The following PITPNM1 variants were observed in gnomAD, a reference collection of about 807,000 sequenced individuals.
PITPNM1 encodes phosphatidylinositol transfer protein membrane associated 1.
A neutral mutation model predicts 133.3 loss-of-function variants in PITPNM1; 74 were observed. That is an observed-to-expected ratio of 0.56 (90% CI 0.46 to 0.67). PITPNM1 has a LOEUF of 0.67. Among genes scored for constraint, PITPNM1 ranks in the 30% least tolerant of loss-of-function variants. PITPNM1 has a pLI of 0.00. For missense variants in PITPNM1, 1,398 were observed against 1,739.5 expected, an observed-to-expected ratio of 0.80 and a Z score of 3.49; for synonymous variants, 738 against 741.4, an observed-to-expected ratio of 1.00 and a Z score of 0.08.
In PITPNM1 at chr11:67,500,121, C is replaced by T. The variant is rs370216047; in HGVS notation, c.941G>A (p.Arg314His). The T allele has an allele frequency of 4.1e-5, 65 of 1,592,378 alleles. No homozygotes were observed. The highest frequency in any genetic ancestry group is 8.0e-5 in the African/African-American group (6 of 74,542). Reference sequence around the variant, plus strand: ...TCCATGTTGGGATGAGTAGGAGGAACGGGAGGATGAGGACCACTGCTTCCC... The same window carrying T: ...TCCATGTTGGGATGAGTAGGAGGAATGGGAGGATGAGGACCACTGCTTCCC... Reference protein sequence around the residue: ...SFGKQWSSSSRSSYSSQHGGA... With the variant: ...SFGKQWSSSSHSSYSSQHGGA... Residue 314 changes from arginine (R) to histidine (H), a missense_variant, in exon 6 of 24, where the codon CGT becomes CAT. Arg to His is a conservative substitution (Grantham distance 29, BLOSUM62 0). Coordinates refer to ENST00000356404, the MANE Select transcript of PITPNM1 (RefSeq NM_004910.3).
At chr11:67,505,512 G>C (rs1040339741), upstream of PITPNM1, 1 of 152,286 alleles carries the variant, frequency 6.6e-6, no homozygotes, top group Non-Finnish European at 1.5e-5. This position sits in a 1 kb window ranked among gnomAD's most constrained non-coding sequence, Gnocchi z 5.8. Flanking sequence ...CTTCCCCCGG[G>C]CAGTGGGAAA....
At position 67,493,712 on chromosome 11, in the gene PITPNM1, C is replaced by T. The variant is rs1565187717; in HGVS notation, c.3134G>A (p.Arg1045Gln). 1.3e-6 allele frequency: 2 copies of T among 1,547,352 alleles called. No homozygotes were observed. Among genetic ancestry groups the T allele is most frequent in the Non-Finnish European group, 8.7e-7 (1 of 1,146,992 alleles). Residue 1045 changes from arginine to glutamine, a missense_variant, in exon 21 of 24, where the codon CGA becomes CAA. Arg to Gln is a conservative substitution (Grantham distance 43, BLOSUM62 1). Transcript: ENST00000356404. Reference sequence around the variant, plus strand: ...CCTGACCACGTCCACGGCGCCAGCTCGCACCTTGGGGTCGCTGCCCATGAT... The same window carrying T: ...CCTGACCACGTCCACGGCGCCAGCTTGCACCTTGGGGTCGCTGCCCATGAT... ...VSIMGSDPKV[R>Q]AGAVDVVRHW...
chr11:67,502,691 C>T lies in PITPNM1; in HGVS notation c.106G>A (p.Glu36Lys). 1 of 1,613,232 alleles carries T rather than the reference C, an allele frequency of 6.2e-7. No individual in the cohort carries two copies. Among genetic ancestry groups the T allele is most frequent in the Non-Finnish European group, 8.5e-7 (1 of 1,179,800 alleles). Residue 36 changes from glutamate to lysine, a missense_variant, in exon 3 of 24, where the codon GAG becomes AAG. Physicochemically the swap from Glu to Lys is moderately conservative, Grantham distance 56. Transcript: ENST00000356404. The surrounding 1 kb of genome is among the most constrained non-coding windows in gnomAD (Gnocchi z 5.9). ...GCCAGGATCTCCACGCCGCTGCCCT[C>T]ACCACTAGACTCCTCCCGGCTCTTT... is the stretch of plus-strand genomic sequence containing the variant. ...QKKSREESSG[E>K]GSGVEILANR...
chr11:67,493,996 CG>C lies in PITPNM1; in HGVS notation c.2933del (p.Ser978TrpfsTer36). ...GGGGAACTGGGAAGGTGAGGCGGCC[CG>C]AGCTATTGGTGACTTCGGTGCCAAA... ...IHFGTEVTNS[S>X]GRLTFPVPPE... On this transcript the variant is annotated frameshift_variant, in exon 20 of 24. Coordinates refer to ENST00000356404, the MANE Select transcript of PITPNM1 (RefSeq NM_004910.3). LOFTEE classifies it high-confidence loss of function. 1 of 1,612,032 alleles carries C rather than the reference CG, an allele frequency of 6.2e-7. No individual in the cohort carries two copies. The highest frequency in any genetic ancestry group is 8.5e-7 in the Non-Finnish European group (1 of 1,179,642).
Position 67,500,391 on chromosome 11 carries a change from C to T in PITPNM1, c.671G>A (p.Arg224His), listed in dbSNP as rs1184581712. Reference sequence around the variant, plus strand: ...CTCATCCTGCCAGCACCAGGCCTGGCGGTGGGCCCGCAGCATCACCCGACG... The same window carrying T: ...CTCATCCTGCCAGCACCAGGCCTGGTGGTGGGCCCGCAGCATCACCCGACG... ...GLRRVMLRAH[R>H]QAWCWQDEWT... is the part of the protein sequence containing the mutation. The change falls in exon 6 of 24, where the codon CGC becomes CAC. Residue 224 changes from arginine (R) to histidine (H), a missense_variant. Arg to His is a conservative substitution (Grantham distance 29). This residue lies in a region of PITPNM1 where 274 missense variants were observed against 360.7 expected (regional missense o/e 0.76). Coordinates refer to ENST00000356404, the MANE Select transcript of PITPNM1 (RefSeq NM_004910.3). 11 of 1,611,160 alleles carry T rather than the reference C, an allele frequency of 6.8e-6. No individual in the cohort carries two copies. Among genetic ancestry groups the T allele is most frequent in the Non-Finnish European group, 8.5e-6 (10 of 1,179,770 alleles).
At chr11:67,492,890 GC>G in intron 23 of PITPNM1, 43 bp downstream of exon 23, 4 of 1,593,088 alleles carry the variant, frequency 2.5e-6, no homozygotes, top group South Asian at 1.1e-5. Flanking sequence ...TGAGGGCCCT[GC>G]CCCCTGGTGG....
chr11:67,502,444 C>A lies in PITPNM1; in HGVS notation c.294-31G>T. 6.2e-7 allele frequency: 1 copy of A among 1,613,674 alleles called. No homozygotes were observed. On this transcript the variant is annotated intron_variant, in intron 3 of 23. Coordinates refer to ENST00000356404, the MANE Select transcript of PITPNM1 (RefSeq NM_004910.3). The surrounding 1 kb of genome is among the most constrained non-coding windows in gnomAD (Gnocchi z 5.9). ...CAGAAGGCACGGGTGAGGCTCACTG[C>A]TGTACCCACCAGGGCCGCTCCCCTC... is the stretch of plus-strand genomic sequence containing the variant.
At position 67,499,710 on chromosome 11, in the gene PITPNM1, G is replaced by A. The variant is rs760166635; in HGVS notation, c.1171+13C>T. The A allele has an allele frequency of 1.4e-6, 2 of 1,437,316 alleles. No individual in the cohort carries two copies. Among genetic ancestry groups the A allele is most frequent in the Non-Finnish European group, 1.9e-6 (2 of 1,066,426 alleles). The allele number at this position is 1,437,316 out of a possible 1,614,324, so 89.0% of individuals were successfully genotyped here. On this transcript the variant is annotated intron_variant, in intron 8 of 23. Coordinates refer to ENST00000356404, the MANE Select transcript of PITPNM1 (RefSeq NM_004910.3). ...CGGGTGCTGGGGGCCGGTGTCCTAGGCGGTATCTTTACCTGGCGTTCCCTC... is the reference window on the plus strand; with the variant it reads ...CGGGTGCTGGGGGCCGGTGTCCTAGACGGTATCTTTACCTGGCGTTCCCTC...
Position 67,493,440 on chromosome 11 carries a change from C to A in PITPNM1, c.3312G>T (p.Lys1104Asn). Residue 1104 changes from lysine to asparagine, a missense_variant, in exon 22 of 24, where the codon AAG becomes AAT. This residue lies in a region of PITPNM1 where 233 missense variants were observed against 378.0 expected (regional missense o/e 0.62). Coordinates refer to ENST00000356404, the MANE Select transcript of PITPNM1 (RefSeq NM_004910.3). ...DGLTHDPLRQ[K>N]AMFLQSLVQE... is the part of the protein sequence containing the mutation. The stretch of plus-strand genomic sequence containing the variant: ...GCACCAGGCTCTGCAGAAACATTGC[C>A]TTCTGGCGTAGTGGGTCGTGGGTGA... 1.2e-6 allele frequency: 2 copies of A among 1,601,172 alleles called. No individual in the cohort carries two copies. The highest frequency in any genetic ancestry group is 1.1e-5 in the South Asian group (1 of 89,928).
In PITPNM1 at chr11:67,498,533, C is replaced by T; in HGVS notation, c.1484+63G>A. On this transcript the variant is annotated intron_variant, in intron 10 of 23. Coordinates refer to ENST00000356404, the MANE Select transcript of PITPNM1 (RefSeq NM_004910.3). This position sits in a 1 kb window ranked among gnomAD's most constrained non-coding sequence, Gnocchi z 5.7. ...GTCTGGCTTCCTGACCCCTTCCCCGCTCCCTGCCCCGCTCCCTGGCCTGAT... is the reference window on the plus strand; with the variant it reads ...GTCTGGCTTCCTGACCCCTTCCCCGTTCCCTGCCCCGCTCCCTGGCCTGAT... 6.4e-7 allele frequency: 1 copy of T among 1,561,450 alleles called. No homozygotes were observed. Among genetic ancestry groups the T allele is most frequent in the Non-Finnish European group, 8.6e-7 (1 of 1,157,930 alleles).
chr11:67,494,078 G>A lies in PITPNM1; in HGVS notation c.2860-8C>T. On this transcript the variant is annotated splice_region_variant and splice_polypyrimidine_tract_variant and intron_variant, in intron 19 of 23. Coordinates refer to ENST00000356404, the MANE Select transcript of PITPNM1 (RefSeq NM_004910.3). ...CATGATGTAGACATCCACCTGGAGG[G>A]GAGAAGGGGCGGGAGGTAAATGGGG... is the stretch of plus-strand genomic sequence containing the variant. 6.2e-7 allele frequency: 1 copy of A among 1,602,272 alleles called. No individual in the cohort carries two copies. The highest frequency in any genetic ancestry group is 1.7e-5 in the Admixed American group (1 of 59,076).
At chr11:67,492,850 C>A in intron 23 of PITPNM1, 84 bp downstream of exon 23, 1 of 1,507,568 alleles carries the variant, frequency 6.6e-7, no homozygotes, top group Non-Finnish European at 9.0e-7. Context: ...CACATCTTCC[C>A]CAGAGTCCGT....
At position 67,502,693 on chromosome 11, in the gene PITPNM1, C is replaced by A; in HGVS notation, c.104G>T (p.Gly35Val). ...IQKKSREESS[G>V]EGSGVEILAN... ...CAGGATCTCCACGCCGCTGCCCTCA[C>A]CACTAGACTCCTCCCGGCTCTTTTT... is the stretch of plus-strand genomic sequence containing the variant. Residue 35 changes from glycine (G) to valine (V), a missense_variant, in exon 3 of 24, where the codon GGT becomes GTT. Gly to Val is a moderately radical substitution (Grantham distance 109, BLOSUM62 -3). Transcript: ENST00000356404. This position sits in a 1 kb window ranked among gnomAD's most constrained non-coding sequence, Gnocchi z 5.9. 6.2e-7 allele frequency: 1 copy of A among 1,613,150 alleles called. No homozygotes were observed.
chr11:67,497,539 G>C lies in PITPNM1; in HGVS notation c.1923C>G (p.Pro641=), dbSNP rs373996858. ...GACGTCACCTGTTCTGAGAGCCCTCGGGCTCAGGACTGGCCATGTCGCTGG... is the reference window on the plus strand; with the variant it reads ...GACGTCACCTGTTCTGAGAGCCCTCCGGCTCAGGACTGGCCATGTCGCTGG... ...RIPSDMASPE[P]EGSQNSLQAA... The change falls in exon 13 of 24, where the codon CCC becomes CCG. Residue 641 remains proline (P), a synonymous_variant. Transcript: ENST00000356404. The C allele has an allele frequency of 2.5e-6, 4 of 1,608,702 alleles. No homozygotes were observed. The highest frequency in any genetic ancestry group is 2.5e-6 in the Non-Finnish European group (3 of 1,178,426).
intron 6 of PITPNM1, 26 bp from the exon 7 acceptor site, chr11:67,500,035 T>C: frequency 6.2e-7 from 1 of 1,609,932 alleles, no homozygotes; most frequent in Non-Finnish European, 8.5e-7. Flanking sequence ...AGCCTCAGCC[T>C]CAGCCCAGGA....
Position 67,497,261 on chromosome 11 carries a change from G to A in PITPNM1, c.2116C>T (p.Leu706=), listed in dbSNP as rs751323911. 1.2e-6 allele frequency: 2 copies of A among 1,611,478 alleles called. No individual in the cohort carries two copies. Among genetic ancestry groups the A allele is most frequent in the African/African-American group, 2.7e-5 (2 of 74,912 alleles). Residue 706 remains leucine, a synonymous_variant, in exon 14 of 24, where the codon CTG becomes TTG. Transcript: ENST00000356404. The stretch of plus-strand genomic sequence containing the variant: ...AGGGCGGGCATCACAGTTTTGCGCA[G>A]AGCCAGCACCAGGCCCAGTGGGGAG... ...FGSPLGLVLA[L]RKTVMPALEA...
At position 67,492,021 on chromosome 11, in the gene PITPNM1, C is replaced by G. The variant is rs1386405540; in HGVS notation, c.*12G>C. 1 of 1,609,620 alleles carries G rather than the reference C, an allele frequency of 6.2e-7. No individual in the cohort carries two copies. Among genetic ancestry groups the G allele is most frequent in the African/African-American group, 1.3e-5 (1 of 74,980 alleles). ...TGTCAATAAATAACCCAGGTCCAGG[C>G]TGGTGTGGGCCTCACTCCTCGCTGT... On this transcript the variant is annotated 3_prime_UTR_variant, in exon 24 of 24. Coordinates refer to ENST00000356404, the MANE Select transcript of PITPNM1 (RefSeq NM_004910.3).
intron 18 of PITPNM1, 100 bp from the exon 19 acceptor site, chr11:67,494,460 G>C: frequency 1.3e-6 from 1 of 780,748 alleles, no homozygotes; most frequent in Non-Finnish European, 2.0e-6. Flanking sequence ...CGGGGTGGGG[G>C]CCTAGAGGCG....
At chr11:67,501,804 TA>T in intron 5 of PITPNM1, 57 bp downstream of exon 5, 1 of 1,461,544 alleles carries the variant, frequency 6.8e-7, no homozygotes, top group Non-Finnish European at 9.5e-7. Flanking sequence ...TCCCTGGCCC[TA>T]AACATGGGGT....
Sources: gnomAD v4.1 joint callset for allele counts on GRCh38, gnomAD v4.1.1 for gene constraint, gnomAD v4.1.1 regional missense constraint, Gnocchi (gnomAD v3.1) non-coding constraint, MANE v1.5 for transcripts, NCBI Gene and HGNC (gene_info 2026-07-23, HGNC 2026-07-21) for gene names.